The following CLDN16 variants were observed in gnomAD, a reference collection of about 807,000 sequenced individuals.
CLDN16 encodes the protein claudin-16.
Under a neutral mutation model 24.6 loss-of-function variants are expected in CLDN16, and 13 were observed. The ratio of observed to expected loss-of-function variants is 0.53; its 90% confidence interval spans 0.34 to 0.84. The LOEUF (loss-of-function observed/expected upper bound fraction) is 0.84, where lower values mean the gene tolerates loss of function less well. Among genes scored for constraint, CLDN16 ranks in the 40% least tolerant of loss-of-function variants. The pLI, the probability that CLDN16 is intolerant of heterozygous loss-of-function variation, is 0.01. For missense variants in CLDN16, 298 were observed against 292.7 expected (o/e 1.02, Z -0.13); for synonymous variants, 116 against 106.7 (o/e 1.09, Z -0.54).
the CLDN16 span, among the ~76,000 whole-genome samples, chr3:190,296,086 A>T: frequency 6.6e-6 from 1 of 152,214 alleles, no homozygotes; most frequent in African/African-American, 2.4e-5. Flanking sequence ...CTTAATCATT[A>T]TACATTAGTT....
intron 3 of CLDN16, among the ~76,000 whole-genome samples, chr3:190,377,447 T>C (rs957761429): frequency 6.6e-6 from 1 of 151,916 alleles, no homozygotes; most frequent in East Asian, 1.9e-4. Flanking sequence ...TCCATTTGGG[T>C]CTCCGTTAGT....
intron 1 of CLDN16, among the ~76,000 whole-genome samples, chr3:190,330,929 C>T (rs1250531128): frequency 6.6e-6 from 1 of 152,122 alleles, no homozygotes; most frequent in Non-Finnish European, 1.5e-5. Context: ...TCTCTCCTAC[C>T]TAAGAAAGCC....
At chr3:190,298,776 C>A in the CLDN16 span, among the ~76,000 whole-genome samples, 11 of 152,014 alleles carry the variant, frequency 7.2e-5, no homozygotes, top group East Asian at 2.1e-3. Flanking sequence ...ATTCATTTTA[C>A]ATATAACTGC....
In CLDN16 at chr3:190,356,915, A is replaced by T. The variant is rs1717786866; in HGVS notation, n.122-13978A>T. ...GCAAAATTATCCCATGTGAACTAAT[A>T]TACAAAGATTCTAATGGAGTTGGCA... On this transcript the variant is annotated intron_variant and non_coding_transcript_variant, in intron 1 of 4. Transcript: ENST00000468220. Among the ~76,000 whole-genome samples, 4 of 151,928 alleles carry T rather than the reference A, an allele frequency of 2.6e-5. No individual in the cohort carries two copies. In the South Asian group the frequency reaches 8.3e-4, roughly 31 times the overall value.
intron 3 of CLDN16, among the ~76,000 whole-genome samples, chr3:190,382,914 A>T (rs1317644914): frequency 6.6e-6 from 1 of 152,118 alleles, no homozygotes; most frequent in Non-Finnish European, 1.5e-5. Flanking sequence ...AAATAGTGGT[A>T]CCCAAGAGTA....
chr3:190,316,439 A>G, the CLDN16 span, among the ~76,000 whole-genome samples: 2 of 152,248 alleles, frequency 1.3e-5, no homozygotes, highest in South Asian at 4.1e-4. Context: ...ACGCACAAAA[A>G]GCTGAGAATT....
At chr3:190,380,272 T>TCCTTCCTTCCTTCCTTTCTTCCTTC (rs1282830158) in intron 3 of CLDN16, among the ~76,000 whole-genome samples, 2 of 150,374 alleles carry the variant, frequency 1.3e-5, no homozygotes, top group African/African-American at 4.9e-5. Flanking sequence ...CTTCCTTCCT[T>TCCTTCCTTCCTTCCTTTCTTCCTTC]CTGTTTTTTG....
intron 1 of CLDN16, among the ~76,000 whole-genome samples, chr3:190,389,170 A>G (rs945217783): frequency 3.9e-5 from 6 of 152,210 alleles, no homozygotes; most frequent in Non-Finnish European, 2.9e-5. Flanking sequence ...GTTCAAAACC[A>G]TTACCTGTGG....
At chr3:190,350,134 C>T (rs1049372155) in intron 1 of CLDN16, among the ~76,000 whole-genome samples, 5 of 152,052 alleles carry the variant, frequency 3.3e-5, no homozygotes, top group Admixed American at 1.3e-4. Flanking sequence ...CATCTAAGTA[C>T]ATCTTAATGT....
chr3:190,345,476 C>T (rs1717531553), intron 1 of CLDN16, among the ~76,000 whole-genome samples: 1 of 152,180 alleles, frequency 6.6e-6, no homozygotes, highest in African/African-American at 2.4e-5. Context: ...ATGCTCTCAT[C>T]TCATCACTAT....
upstream of CLDN16, among the ~76,000 whole-genome samples, chr3:190,318,357 G>A (rs1210019643): frequency 6.6e-6 from 1 of 152,130 alleles, no homozygotes; most frequent in Non-Finnish European, 1.5e-5. Context: ...TAAGCTATGT[G>A]ACTTGCCTCT....
At chr3:190,367,232 A>G (rs4450789) in intron 1 of CLDN16, among the ~76,000 whole-genome samples, 139,510 of 152,032 alleles carry the variant, frequency 0.92, 64,047 homozygotes, top group East Asian at 1. Context: ...GTATTTGACC[A>G]TAGATATTAA....
chr3:190,306,934 T>C, the CLDN16 span: 2 of 152,606 alleles, frequency 1.3e-5, no homozygotes, highest in Admixed American at 6.5e-5. Context: ...TCAGTGGAAA[T>C]AGACTGGTAG....
At chr3:190,313,015 G>T in the CLDN16 span, 2 of 1,614,088 alleles carry the variant, frequency 1.2e-6, no homozygotes, top group African/African-American at 1.3e-5. Context: ...CACCATCAAG[G>T]CACGGGTTGC....
chr3:190,348,764 G>A (rs538971699), intron 1 of CLDN16, among the ~76,000 whole-genome samples: 1 of 152,136 alleles, frequency 6.6e-6, no homozygotes, highest in East Asian at 1.9e-4. Flanking sequence ...TCATCACCCA[G>A]GTACTAAGCC....
chr3:190,379,269 G>A (rs1455900113), intron 3 of CLDN16, among the ~76,000 whole-genome samples: 1 of 152,010 alleles, frequency 6.6e-6, no homozygotes, highest in East Asian at 1.9e-4. Context: ...TTAGCCTCTT[G>A]AATGTAAAAT....
At chr3:190,326,338 G>A (rs1201930986) in intron 1 of CLDN16, among the ~76,000 whole-genome samples, 1 of 152,214 alleles carries the variant, frequency 6.6e-6, no homozygotes, top group Non-Finnish European at 1.5e-5. Context: ...TTCTGTTACA[G>A]TCCCACTGAA....
intron 1 of CLDN16, among the ~76,000 whole-genome samples, chr3:190,323,003 T>TACACACACACACAC (rs147722582): frequency 0.053 from 7,712 of 144,512 alleles, 233 homozygotes; most frequent in Middle Eastern, 0.11. Context: ...CAACATGATT[T>TACACACACACACAC]ACACACACAC....
the CLDN16 span, among the ~76,000 whole-genome samples, chr3:190,312,329 C>T: frequency 6.6e-6 from 1 of 151,966 alleles, no homozygotes; most frequent in African/African-American, 2.4e-5. Flanking sequence ...CTGCTTTAAA[C>T]TGACCATTCC....
Sources: allele counts gnomAD v4.1 joint callset (sites outside exome capture counted in the v4.1 genomes callset), GRCh38; gene constraint gnomAD v4.1.1; transcripts MANE v1.5; gene names NCBI Gene and HGNC (gene_info 2026-07-23, HGNC 2026-07-21).